PRTFDC1: variants seen among roughly 807,000 people sequenced by gnomAD.
PRTFDC1 encodes the protein phosphoribosyl transferase domain containing 1.
PRTFDC1 carries 38 observed loss-of-function variants against 34.6 expected under a neutral mutation model. That is an observed-to-expected ratio of 1.10 (90% CI 0.85 to 1.44). PRTFDC1 has a LOEUF of 1.44. Ranked by LOEUF, PRTFDC1 falls within the 40% of genes most tolerant of loss-of-function variation. PRTFDC1 has a pLI of 0.00. For synonymous variants in PRTFDC1, 93 were observed against 98.1 expected, an observed-to-expected ratio of 0.95 and a Z score of 0.31; for missense variants, 270 against 283.0, an observed-to-expected ratio of 0.95 and a Z score of 0.33.
At chr10:24,897,444 A>G (rs1011912962) in intron 3 of PRTFDC1, among the ~76,000 whole-genome samples, 1 of 152,208 alleles carries the variant, frequency 6.6e-6, no homozygotes, top group African/African-American at 2.4e-5. Context: ...CTCAGAATTA[A>G]GAAGGTTGTG....
At chr10:24,859,206 T>C (rs1277263320) in intron 4 of PRTFDC1, among the ~76,000 whole-genome samples, 1 of 152,110 alleles carries the variant, frequency 6.6e-6, no homozygotes, top group Non-Finnish European at 1.5e-5. Flanking sequence ...TCCCCCTCTT[T>C]CTCTTGCTCC....
At chr10:24,897,982 T>G (rs1430758895) in intron 3 of PRTFDC1, among the ~76,000 whole-genome samples, 2 of 152,134 alleles carry the variant, frequency 1.3e-5, no homozygotes, top group Non-Finnish European at 2.9e-5. Context: ...TGTCCTATAA[T>G]AGAGGAAGAC....
intron 3 of PRTFDC1, among the ~76,000 whole-genome samples, chr10:24,903,900 G>T (rs1025813709): frequency 6.6e-6 from 1 of 151,516 alleles, no homozygotes; most frequent in African/African-American, 2.4e-5. Context: ...ACCTCCCCAG[G>T]CTGGTCTCAA....
At position 24,849,786 on chromosome 10, in the gene PRTFDC1, C is replaced by T; in HGVS notation, c.*58G>A. The T allele has an allele frequency of 6.4e-7, 1 of 1,561,810 alleles. No homozygotes were observed. The highest frequency in any genetic ancestry group is 1.1e-5 in the South Asian group (1 of 88,994). ...GGGGACAAACTTGACAGCTGGCTTC[C>T]CAAGTACAGGCGTAAATATGATGCT... On this transcript the variant is annotated 3_prime_UTR_variant, in exon 9 of 9. Coordinates refer to ENST00000320152, the MANE Select transcript of PRTFDC1 (RefSeq NM_020200.7).
At chr10:24,889,094 G>A (rs879369416) in intron 3 of PRTFDC1, among the ~76,000 whole-genome samples, 12 of 152,122 alleles carry the variant, frequency 7.9e-5, no homozygotes, top group Non-Finnish European at 1.5e-4. Flanking sequence ...GGGGACTTTG[G>A]GGGGTGATTA....
In PRTFDC1 at chr10:24,924,633, A is replaced by G. The variant is rs1305726445; in HGVS notation, c.339+12551T>C. Among the ~76,000 whole-genome samples, 3 of 152,218 alleles carry G rather than the reference A, an allele frequency of 2.0e-5. No individual in the cohort carries two copies. The East Asian group carries it at 5.8e-4, about 29-fold the overall frequency. On this transcript the variant is annotated intron_variant, in intron 3 of 8. Transcript: ENST00000320152. ...CTTAAACAAATTTACAAGAAAAAACAACCCCATCAAAAAGTGGGCAAAAGA... is the reference window on the plus strand; with the variant it reads ...CTTAAACAAATTTACAAGAAAAAACGACCCCATCAAAAAGTGGGCAAAAGA...
chr10:24,932,305 A>C (rs1169291153), intron 3 of PRTFDC1, among the ~76,000 whole-genome samples: 1 of 151,970 alleles, frequency 6.6e-6, no homozygotes, highest in Admixed American at 6.5e-5. Flanking sequence ...CCTAACTGGC[A>C]TGATCATGCA....
At chr10:24,857,887 A>G (rs1847610806) in intron 5 of PRTFDC1, among the ~76,000 whole-genome samples, 1 of 152,172 alleles carries the variant, frequency 6.6e-6, no homozygotes, top group Admixed American at 6.5e-5. Context: ...CAGAAAAACA[A>G]AAGTTAAAAA....
chr10:24,922,104 T>C (rs1848800193), intron 3 of PRTFDC1, among the ~76,000 whole-genome samples: 1 of 152,246 alleles, frequency 6.6e-6, no homozygotes, highest in Non-Finnish European at 1.5e-5. Context: ...GACTTTAAAG[T>C]TCATGTGTTT....
At chr10:24,895,316 A>T (rs1433611569) in intron 3 of PRTFDC1, among the ~76,000 whole-genome samples, 1 of 124,916 alleles carries the variant, frequency 8.0e-6, no homozygotes, top group Non-Finnish European at 1.6e-5. Flanking sequence ...CAATGGCATG[A>T]TCTTGGCTCA....
intron 6 of PRTFDC1, among the ~76,000 whole-genome samples, chr10:24,855,786 C>A (rs1490158185): frequency 4.6e-5 from 7 of 151,948 alleles, no homozygotes; most frequent in African/African-American, 1.5e-4. Context: ...CAGAAAGAGA[C>A]CCTGTCTCAA....
At chr10:24,921,596 G>A (rs1173078703) in intron 3 of PRTFDC1, among the ~76,000 whole-genome samples, 1 of 151,784 alleles carries the variant, frequency 6.6e-6, no homozygotes, top group Admixed American at 6.6e-5. Flanking sequence ...CTGTGGCGTG[G>A]GCTGTGGGGG....
chr10:24,920,603 G>A (rs552396090), intron 3 of PRTFDC1, among the ~76,000 whole-genome samples: 3 of 152,280 alleles, frequency 2.0e-5, no homozygotes, highest in Non-Finnish European at 4.4e-5. Context: ...TAGGTGATGG[G>A]TTGATAGATG....
In PRTFDC1 at chr10:24,927,581, A is replaced by ATTTTTTT. The variant is rs5783910; in HGVS notation, c.339+9596_339+9602dup. Among the ~76,000 whole-genome samples the ATTTTTTT allele has an allele frequency of 3.7e-5, 5 of 133,788 alleles. 1 individual carries two copies. The highest frequency in any genetic ancestry group is 1.4e-4 in the African/African-American group (5 of 34,698). 87.8% of individuals were successfully genotyped at this position (133,788 alleles called of 152,430 possible). On this transcript the variant is annotated intron_variant, in intron 3 of 8. Coordinates refer to ENST00000320152, the MANE Select transcript of PRTFDC1 (RefSeq NM_020200.7). Reference sequence around the variant, plus strand: ...TATTGAAGTGATATTGCGGGACCCAATTTTTTTTTTTTTTTTTTTGAGACA... The same window carrying ATTTTTTT: ...TATTGAAGTGATATTGCGGGACCCAATTTTTTTTTTTTTTTTTTTTTTTTTTGAGACA...
rs2132483967 is a variant in PRTFDC1, at chr10:24,851,461, G to T, written c.557C>A (p.Ala186Asp). The change falls in exon 8 of 9, where the codon GCT becomes GAT. Residue 186 changes from alanine (A) to aspartate (D), a missense_variant. Physicochemically the swap from Ala to Asp is moderately radical, Grantham distance 126. Transcript: ENST00000320152. ...SRSDGFRPDYAGFEIPNLFVV... is the reference protein window; with the variant it reads ...SRSDGFRPDYDGFEIPNLFVV... Reference sequence around the variant, plus strand: ...AAATAAGTTTGGAATCTCAAATCCAGCATCTTAGCAGACAGAGAAAGAGAA... The same window carrying T: ...AAATAAGTTTGGAATCTCAAATCCATCATCTTAGCAGACAGAGAAAGAGAA... The T allele has an allele frequency of 6.2e-7, 1 of 1,608,460 alleles. No homozygotes were observed.
chr10:24,878,663 A>T (rs771387985), intron 3 of PRTFDC1, among the ~76,000 whole-genome samples: 16 of 152,228 alleles, frequency 1.1e-4, no homozygotes, highest in African/African-American at 2.4e-5. Flanking sequence ...CAGATAGCGC[A>T]GCAGGGGAGA....
At chr10:24,904,519 G>A (rs1425252906) in intron 3 of PRTFDC1, among the ~76,000 whole-genome samples, 1 of 152,160 alleles carries the variant, frequency 6.6e-6, no homozygotes, top group Admixed American at 6.5e-5. Context: ...ATGTCAGGGA[G>A]GCAGGCAAGT....
Position 24,849,900 on chromosome 10 carries a change from A to G in PRTFDC1, c.631-9T>C. The G allele has an allele frequency of 1.2e-6, 2 of 1,613,916 alleles. No homozygotes were observed. On this transcript the variant is annotated splice_polypyrimidine_tract_variant and intron_variant, in intron 8 of 8. Coordinates refer to ENST00000320152, the MANE Select transcript of PRTFDC1 (RefSeq NM_020200.7). ...TTGATGACGCATATGTGCTGAAACAATAAAGGATTTAAACGCATCAGTTTC... is the reference window on the plus strand; with the variant it reads ...TTGATGACGCATATGTGCTGAAACAGTAAAGGATTTAAACGCATCAGTTTC...
intron 1 of PRTFDC1, among the ~76,000 whole-genome samples, chr10:24,951,121 C>G (rs1034659830): frequency 6.6e-6 from 1 of 152,088 alleles, no homozygotes; most frequent in Non-Finnish European, 1.5e-5. Flanking sequence ...GTATGCGGGT[C>G]TCTGCCTGCA....
Sources: allele counts gnomAD v4.1 joint callset (sites outside exome capture counted in the v4.1 genomes callset), GRCh38; gene constraint gnomAD v4.1.1; transcripts MANE v1.5; gene names NCBI Gene and HGNC (gene_info 2026-07-23, HGNC 2026-07-21).